MYO5B: variants seen among roughly 807,000 people sequenced by gnomAD.
MYO5B encodes the protein unconventional myosin-Vb.
In MYO5B, 143 loss-of-function variants were observed where a neutral mutation model predicts 229.3. The ratio of observed to expected loss-of-function variants is 0.62; its 90% CI spans 0.54 to 0.72. The LOEUF is 0.72. Ranked by LOEUF, MYO5B falls within the 30% of genes least tolerant of loss-of-function variation. The probability of loss-of-function intolerance (pLI) is 0.00; values close to 1 mark genes in which losing one functional copy is unlikely to be tolerated. For missense variants in MYO5B, 2,321 were observed against 2,331.0 expected, an observed-to-expected ratio of 1.00 and a Z score of 0.09; for synonymous variants, 918 against 885.2, an observed-to-expected ratio of 1.04 and a Z score of -0.66.
chr18:50,096,859 C>T (rs899921752), intron 1 of MYO5B, among the ~76,000 whole-genome samples: 9 of 152,194 alleles, frequency 5.9e-5, no homozygotes, highest in African/African-American at 1.9e-4. Flanking sequence ...TATGCTGGCT[C>T]CTCAGCATGG....
intron 14 of MYO5B, among the ~76,000 whole-genome samples, chr18:49,942,402 A>G (rs2025326211): frequency 1.3e-5 from 2 of 150,078 alleles, no homozygotes; most frequent in Non-Finnish European, 3.0e-5. Flanking sequence ...AAAAAAAAAA[A>G]AAACTACCGT....
At chr18:49,885,957 G>A (rs962368010) in intron 22 of MYO5B, among the ~76,000 whole-genome samples, 6 of 151,564 alleles carry the variant, frequency 4.0e-5, no homozygotes, top group African/African-American at 1.5e-4. Flanking sequence ...CCTTTTTTTT[G>A]AGACAAGGTC....
intron 4 of MYO5B, among the ~76,000 whole-genome samples, chr18:50,030,783 C>T (rs114790209): frequency 0.015 from 2,111 of 141,482 alleles, 48 homozygotes; most frequent in African/African-American, 0.052. Context: ...TCACAGCTGG[C>T]AACACAGCAG....
intron 1 of MYO5B, among the ~76,000 whole-genome samples, chr18:50,172,071 A>C (rs939688536): frequency 1.3e-5 from 2 of 152,124 alleles, no homozygotes; most frequent in Non-Finnish European, 2.9e-5. Context: ...GCAGAACTCC[A>C]TGAGTTTGAG....
rs1043885038 is a variant in MYO5B at position 49,866,246 on chromosome 18, T to C, written c.3604-1866A>G. ...ACCACGCCTGGCTAATTTTTTTTTTTTTCTAGTAGAGATGGGGTTTCACCA... is the reference window on the plus strand; with the variant it reads ...ACCACGCCTGGCTAATTTTTTTTTTCTTCTAGTAGAGATGGGGTTTCACCA... On this transcript the variant is annotated intron_variant, in intron 27 of 39. Transcript: ENST00000285039. Among the ~76,000 whole-genome samples the C allele has an allele frequency of 1.4e-4, 22 of 151,964 alleles. No homozygotes were observed. The South Asian group carries it at 2.3e-3, about 16-fold the overall frequency.
intron 1 of MYO5B, among the ~76,000 whole-genome samples, chr18:50,073,723 C>A (rs1306236506): frequency 1.3e-5 from 2 of 152,078 alleles, no homozygotes; most frequent in Non-Finnish European, 2.9e-5. Context: ...CAAAATTGAG[C>A]CCCTGAATCC....
At chr18:50,192,866 G>A (rs538855497) in intron 1 of MYO5B, among the ~76,000 whole-genome samples, 3 of 152,260 alleles carry the variant, frequency 2.0e-5, no homozygotes, top group Admixed American at 2.0e-4. Flanking sequence ...TGAACTTGAT[G>A]GAAACTGTGT....
intron 1 of MYO5B, among the ~76,000 whole-genome samples, chr18:50,102,412 G>A (rs930059865): frequency 6.6e-6 from 1 of 152,100 alleles, no homozygotes; most frequent in Non-Finnish European, 1.5e-5. Context: ...CAGATTGCTG[G>A]GAGGGAACTC....
At chr18:50,194,393 C>A (rs111337490) in intron 1 of MYO5B, among the ~76,000 whole-genome samples, 1 of 152,058 alleles carries the variant, frequency 6.6e-6, no homozygotes, top group Non-Finnish European at 1.5e-5. Context: ...CGCGGGGGCC[C>A]GTCCCGCGCA....
intron 1 of MYO5B, among the ~76,000 whole-genome samples, chr18:50,153,513 C>T (rs539784733): frequency 2.0e-5 from 3 of 152,248 alleles, no homozygotes; most frequent in South Asian, 2.1e-4. Context: ...TGCAGTGGCA[C>T]GATATCGGTT....
At chr18:50,114,319 C>T (rs1410947635) in intron 1 of MYO5B, among the ~76,000 whole-genome samples, 1 of 152,178 alleles carries the variant, frequency 6.6e-6, no homozygotes, top group Non-Finnish European at 1.5e-5. Context: ...CAAGTCATGG[C>T]TGGGCAAAGA....
intron 9 of MYO5B, among the ~76,000 whole-genome samples, chr18:49,976,601 C>T (rs533598975): frequency 6.6e-6 from 1 of 152,346 alleles, no homozygotes; most frequent in African/African-American, 2.4e-5. Flanking sequence ...AAATTGCATT[C>T]TAATCCGATG....
intron 5 of MYO5B, among the ~76,000 whole-genome samples, chr18:49,995,639 CT>C: frequency 6.6e-6 from 1 of 152,264 alleles, no homozygotes; most frequent in East Asian, 1.9e-4. Flanking sequence ...CCTTAAACAT[CT>C]ACTTTCCAGT....
At chr18:49,870,552 G>C (rs1159474463) in intron 27 of MYO5B, among the ~76,000 whole-genome samples, 4 of 152,108 alleles carry the variant, frequency 2.6e-5, no homozygotes, top group Non-Finnish European at 2.9e-5. Flanking sequence ...TTAATATCTA[G>C]AATATGTAGA....
chr18:50,178,117 C>G (rs1188072373), intron 1 of MYO5B, among the ~76,000 whole-genome samples: 1 of 152,166 alleles, frequency 6.6e-6, no homozygotes, highest in African/African-American at 2.4e-5. Context: ...TACTACCCAA[C>G]CCACCGAGGC....
intron 10 of MYO5B, among the ~76,000 whole-genome samples, chr18:49,972,427 A>G (rs2025701292): frequency 6.6e-6 from 1 of 152,200 alleles, no homozygotes; most frequent in African/African-American, 2.4e-5. Flanking sequence ...AATTCAAGGC[A>G]CTGTTAAGAT....
chr18:49,901,652 C>T (rs2024842734), intron 21 of MYO5B, among the ~76,000 whole-genome samples: 1 of 152,206 alleles, frequency 6.6e-6, no homozygotes, highest in Non-Finnish European at 1.5e-5. Flanking sequence ...AGCCACTCAA[C>T]TTTTAAGCAG....
At chr18:50,189,709 A>G (rs959900853) in intron 1 of MYO5B, among the ~76,000 whole-genome samples, 16 of 152,214 alleles carry the variant, frequency 1.1e-4, no homozygotes, top group African/African-American at 3.6e-4. Flanking sequence ...AACATCACTC[A>G]GAGCCACCAG....
chr18:49,971,221 CTGGA>C lies in MYO5B; in HGVS notation c.1322+3125_1322+3128del, dbSNP rs1180197896. On this transcript the variant is annotated intron_variant, in intron 10 of 39. Transcript: ENST00000285039. Reference sequence around the variant, plus strand: ...TCATGAATAGAATAAAGCCTAATGACTGGAATGAGTTTGAACTGGGAAGGAGGTG... The same window carrying C: ...TCATGAATAGAATAAAGCCTAATGACATGAGTTTGAACTGGGAAGGAGGTG... Among the ~76,000 whole-genome samples, 4 of 152,254 alleles carry C rather than the reference CTGGA, an allele frequency of 2.6e-5. No individual in the cohort carries two copies. The East Asian group carries it at 7.7e-4, about 29-fold the overall frequency.
Sources: allele counts gnomAD v4.1 joint callset (sites outside exome capture counted in the v4.1 genomes callset), GRCh38; gene constraint gnomAD v4.1.1; transcripts MANE v1.5; gene names NCBI Gene and HGNC (gene_info 2026-07-23, HGNC 2026-07-21).